The following GLIS1 variants were observed in gnomAD, a reference collection of about 807,000 sequenced individuals.
The protein encoded by GLIS1 is GLIS family zinc finger 1, also known as zinc finger protein GLIS1.
A neutral mutation model predicts 63.8 loss-of-function variants in GLIS1; 24 were observed. That is an observed-to-expected ratio of 0.38 (90% CI 0.27 to 0.53). GLIS1 has a LOEUF of 0.53. Ranked by LOEUF, GLIS1 falls within the 20% of genes least tolerant of loss-of-function variation. The probability of loss-of-function intolerance (pLI) is 0.85; values close to 1 mark genes in which losing one functional copy is unlikely to be tolerated. For missense variants in GLIS1, 1,036 were observed against 1,074.1 expected, an observed-to-expected ratio of 0.96 and a Z score of 0.50; for synonymous variants, 450 against 482.5, an observed-to-expected ratio of 0.93 and a Z score of 0.88.
intron 2 of GLIS1, among the ~76,000 whole-genome samples, chr1:53,715,882 G>A (rs1188900593): frequency 6.6e-6 from 1 of 152,182 alleles, no homozygotes; most frequent in African/African-American, 2.4e-5. Flanking sequence ...CAGAAGTGGA[G>A]AATGGGGCGG....
chr1:53,643,207 T>C (rs1049026779), intron 2 of GLIS1, among the ~76,000 whole-genome samples: 2 of 152,206 alleles, frequency 1.3e-5, no homozygotes, highest in African/African-American at 4.8e-5. Flanking sequence ...CACTTTATTA[T>C]CCAGGCCATA....
intron 4 of GLIS1, among the ~76,000 whole-genome samples, chr1:53,540,456 C>T (rs1333221095): frequency 2.0e-5 from 3 of 152,184 alleles, no homozygotes; most frequent in Non-Finnish European, 4.4e-5. Flanking sequence ...TCAGGTGCTT[C>T]CTCCTCTTCC....
intron 4 of GLIS1, among the ~76,000 whole-genome samples, chr1:53,559,391 G>C (rs1005831222): frequency 6.6e-6 from 1 of 152,142 alleles, no homozygotes; most frequent in Admixed American, 6.5e-5. Context: ...ACTCTGAGAT[G>C]GAAGGATCCT....
chr1:53,658,317 T>A (rs1645989053), intron 2 of GLIS1, among the ~76,000 whole-genome samples: 1 of 152,176 alleles, frequency 6.6e-6, no homozygotes. Context: ...GGGAAGCAGC[T>A]TGAGGAAGGG....
At chr1:53,607,342 T>C (rs952012917) in intron 2 of GLIS1, among the ~76,000 whole-genome samples, 4 of 152,228 alleles carry the variant, frequency 2.6e-5, no homozygotes, top group African/African-American at 9.6e-5. Flanking sequence ...GTGATCATAG[T>C]TCACTGCTGT....
intron 2 of GLIS1, among the ~76,000 whole-genome samples, chr1:53,609,332 C>G (rs3006893): frequency 0.76 from 109,466 of 143,246 alleles, 41,420 homozygotes; most frequent in Middle Eastern, 0.86. Context: ...GGAGTGCAGT[C>G]GTGCGATCTT....
rs188221232 is a variant in GLIS1 at position 53,718,182 on chromosome 1, C to T, written c.259+19624G>A. 1.5e-3 allele frequency among the ~76,000 whole-genome samples: 232 copies of T among 152,308 alleles called. 2 individuals carry two copies. The highest frequency in any genetic ancestry group is 5.2e-3 in the African/African-American group (217 of 41,556). ...GAAAATTCTGAGAGCCACTCAGCATCGTTTTAATAAAATCTCTTCTCTGCC... is the reference window on the plus strand; with the variant it reads ...GAAAATTCTGAGAGCCACTCAGCATTGTTTTAATAAAATCTCTTCTCTGCC... On this transcript the variant is annotated intron_variant, in intron 2 of 10. Coordinates refer to ENST00000628545, the MANE Select transcript of GLIS1 (RefSeq NM_001367484.1).
rs1216734905 is a variant in GLIS1 at position 53,598,225 on chromosome 1, T to C, written c.437+1876A>G. Among the ~76,000 whole-genome samples, 1 of 152,184 alleles carries C rather than the reference T, an allele frequency of 6.6e-6. No homozygotes were observed. Among genetic ancestry groups the C allele is most frequent in the Non-Finnish European group, 1.5e-5 (1 of 68,040 alleles). On this transcript the variant is annotated intron_variant, in intron 3 of 10. Transcript: ENST00000628545. The surrounding 1 kb of genome is among the most constrained non-coding windows in gnomAD (Gnocchi z 4.6). ...AAACAAGGTTATAAGGTTGAGGGCC[T>C]ACTCTGATAGGACAGGTGTTCTTAT...
At chr1:53,518,351 C>T (rs916936162) in intron 7 of GLIS1, among the ~76,000 whole-genome samples, 6 of 152,178 alleles carry the variant, frequency 3.9e-5, no homozygotes, top group African/African-American at 1.4e-4. Flanking sequence ...CTGTGGCTTG[C>T]GTGTGCCTTC....
chr1:53,562,615 G>A (rs1286630569), intron 4 of GLIS1, among the ~76,000 whole-genome samples: 2 of 152,044 alleles, frequency 1.3e-5, no homozygotes, highest in African/African-American at 4.8e-5. Context: ...ACACTGCCCC[G>A]GGGGCAGGCA....
At chr1:53,566,539 T>C (rs1184521224) in intron 4 of GLIS1, among the ~76,000 whole-genome samples, 1 of 152,168 alleles carries the variant, frequency 6.6e-6, no homozygotes, top group East Asian at 1.9e-4. Flanking sequence ...TAACAAAATA[T>C]TACCAGATCT....
intron 4 of GLIS1, among the ~76,000 whole-genome samples, chr1:53,557,299 G>A (rs904059813): frequency 6.6e-6 from 1 of 152,148 alleles, no homozygotes; most frequent in Non-Finnish European, 1.5e-5. Context: ...TCCAGTGGTA[G>A]GCATTATTAT....
intron 2 of GLIS1, among the ~76,000 whole-genome samples, chr1:53,623,544 AG>A (rs144853791): frequency 3.7e-4 from 56 of 152,350 alleles, no homozygotes; most frequent in African/African-American, 1.3e-3. Context: ...TAGCTAGTGC[AG>A]TTCAGTAAGA....
chr1:53,658,047 C>A (rs1398838304), intron 2 of GLIS1, among the ~76,000 whole-genome samples: 1 of 152,136 alleles, frequency 6.6e-6, no homozygotes, highest in Admixed American at 6.5e-5. Flanking sequence ...CCTCCAGCCA[C>A]CGCACCCACC....
Position 53,598,944 on chromosome 1 carries a change from C to T in GLIS1, c.437+1157G>A, listed in dbSNP as rs1023940195. Among the ~76,000 whole-genome samples the T allele has an allele frequency of 6.6e-6, 1 of 152,184 alleles. No homozygotes were observed. The highest frequency in any genetic ancestry group is 2.4e-5 in the African/African-American group (1 of 41,456). On this transcript the variant is annotated intron_variant, in intron 3 of 10. Coordinates refer to ENST00000628545, the MANE Select transcript of GLIS1 (RefSeq NM_001367484.1). The surrounding 1 kb of genome is among the most constrained non-coding windows in gnomAD (Gnocchi z 4.6). ...CTTTGCTTCCTTCACCAAGATGCTC[C>T]CAGCACCGACCACAGTGCCTGGCAC...
intron 4 of GLIS1, among the ~76,000 whole-genome samples, chr1:53,585,446 A>G (rs72904946): frequency 0.03 from 4,502 of 150,306 alleles, 241 homozygotes; most frequent in African/African-American, 0.11. Flanking sequence ...CTGTGTGTTT[A>G]GCCATTGGTC....
chr1:53,699,554 AC>A (rs1646501830), intron 2 of GLIS1, among the ~76,000 whole-genome samples: 1 of 152,200 alleles, frequency 6.6e-6, no homozygotes, highest in Non-Finnish European at 1.5e-5. Flanking sequence ...AAATGCTCCA[AC>A]TGAACATCAC....
chr1:53,517,541 C>T (rs777846551), intron 7 of GLIS1, among the ~76,000 whole-genome samples: 2 of 152,170 alleles, frequency 1.3e-5, no homozygotes, highest in Admixed American at 1.3e-4. Flanking sequence ...CCTGCACCTT[C>T]TTCCTCAGCC....
intron 4 of GLIS1, among the ~76,000 whole-genome samples, chr1:53,585,718 C>T (rs1244513105): frequency 6.6e-6 from 1 of 152,170 alleles, no homozygotes; most frequent in African/African-American, 2.4e-5. Context: ...GGGAGGAACA[C>T]ACCTGTGAAA....
Sources: gnomAD v4.1 joint callset for allele counts (sites outside exome capture counted in the v4.1 genomes callset) on GRCh38, gnomAD v4.1.1 for gene constraint, Gnocchi (gnomAD v3.1) non-coding constraint, MANE v1.5 for transcripts, NCBI Gene and HGNC (gene_info 2026-07-23, HGNC 2026-07-21) for gene names.